The following GOLGA8M variants were observed in gnomAD, a reference collection of about 807,000 sequenced individuals.
GOLGA8M encodes the protein golgin A8 family member M.
Under a neutral mutation model 87.7 loss-of-function variants are expected in GOLGA8M, and 34 were observed. The ratio of observed to expected loss-of-function variants is 0.39; its 90% confidence interval spans 0.29 to 0.52. The LOEUF (loss-of-function observed/expected upper bound fraction) is 0.52. Ranked by LOEUF, GOLGA8M falls within the 20% of genes least tolerant of loss-of-function variation. GOLGA8M has a pLI of 0.80. For synonymous variants in GOLGA8M, 138 were observed against 250.2 expected (o/e 0.55, Z 4.23); for missense variants, 396 against 682.2 (o/e 0.58, Z 4.67).
At chr15:28,708,780 G>C (rs929907085) in intron 4 of GOLGA8M, among the ~76,000 whole-genome samples, 1 of 152,020 alleles carries the variant, frequency 6.6e-6, no homozygotes, top group Admixed American at 6.6e-5. Flanking sequence ...CTTTACAGCA[G>C]ATATAGGATG....
intron 1 of GOLGA8M, chr15:28,711,656 G>A: frequency 2.0e-6 from 2 of 984,496 alleles, no homozygotes; most frequent in Non-Finnish European, 2.4e-6. Context: ...TTAGGGGACT[G>A]GGTCATAAGA....
chr15:28,712,464 T>C (rs762520993), upstream of GOLGA8M: 152 of 1,606,568 alleles, frequency 9.5e-5, 5 homozygotes, highest in Middle Eastern at 6.6e-4. Context: ...GAATGCGGAA[T>C]AGGGGTGTGG....
At chr15:28,706,740 G>A in intron 8 of GOLGA8M, 41 bp from the exon 9 acceptor site, 1 of 1,450,058 alleles carries the variant, frequency 6.9e-7, no homozygotes, top group Non-Finnish European at 9.4e-7. Context: ...TGGAGAGCCT[G>A]GGCATTTCCA....
At chr15:28,702,831 C>A in intron 15 of GOLGA8M, 86 bp from the exon 16 acceptor site, 2 of 1,569,562 alleles carry the variant, frequency 1.3e-6, no homozygotes, top group African/African-American at 1.4e-5. Flanking sequence ...GGAGGTGAGT[C>A]CTGGCATGGG....
chr15:28,709,069 GGA>G (rs1375776280), intron 4 of GOLGA8M, among the ~76,000 whole-genome samples, 196 bp downstream of exon 4: 1 of 128,026 alleles, frequency 7.8e-6, no homozygotes, highest in Non-Finnish European at 1.6e-5. Context: ...TGTCTGGAGA[GGA>G]GAGAGTCGGC....
chr15:28,702,718 TCTC>T lies in GOLGA8M; in HGVS notation c.1393_1395del (p.Glu465del), dbSNP rs1285819293. 1.2e-6 allele frequency: 2 copies of T among 1,601,912 alleles called. No individual in the cohort carries two copies. The highest frequency in any genetic ancestry group is 1.3e-5 in the African/African-American group (1 of 74,194). On this transcript the variant is annotated inframe_deletion, in exon 16 of 19. Coordinates refer to ENST00000563027, the MANE Select transcript of GOLGA8M (RefSeq NM_001282468.3). ...TTCACAAGCTCACTCAGGTCTGCCT[TCTC>T]CTCCAGGTGGTCCATAAAGCTGCTC...
intron 5 of GOLGA8M, 69 bp downstream of exon 5, chr15:28,708,306 G>T: frequency 1.9e-6 from 3 of 1,611,448 alleles, no homozygotes; most frequent in Non-Finnish European, 2.5e-6. Flanking sequence ...GCCCTGTGGG[G>T]ATGGGGTGGA....
chr15:28,705,037 G>A (rs1450311523), intron 13 of GOLGA8M, 122 bp downstream of exon 13: 8 of 1,490,142 alleles, frequency 5.4e-6, no homozygotes, highest in African/African-American at 1.4e-5. Context: ...TGCCCTGGGG[G>A]GTGCTGTGGT....
intron 1 of GOLGA8M, 70 bp downstream of exon 1, chr15:28,712,206 C>G: frequency 1.3e-6 from 2 of 1,520,882 alleles, no homozygotes; most frequent in Non-Finnish European, 8.8e-7. Context: ...CGTATAGACT[C>G]TGGCAGGGGT....
At chr15:28,713,193 C>T (rs867077164), upstream of GOLGA8M, among the ~76,000 whole-genome samples, 13 of 150,440 alleles carry the variant, frequency 8.6e-5, no homozygotes, top group Admixed American at 5.3e-4. Flanking sequence ...CAAAAAAGGC[C>T]GGATGTGGTG....
At position 28,702,221 on chromosome 15, in the gene GOLGA8M, C is replaced by G. The variant is rs745500104; in HGVS notation, c.1716G>C (p.Lys572Asn). The change falls in exon 18 of 19, where the codon AAG becomes AAC. Residue 572 changes from lysine to asparagine, a missense_variant. By Grantham distance (94) the Lys-to-Asn change is moderately conservative. Transcript: ENST00000563027. ...PAPQELGAAD[K>N]HGDLCEVSLT... ...CCTGAGGGCTGTACTCACCACCATG[C>G]TTGTCTGCAGCCCCAAGCTCCTGGG... 3 of 1,590,820 alleles carry G rather than the reference C, an allele frequency of 1.9e-6. No homozygotes were observed. Among genetic ancestry groups the G allele is most frequent in the Non-Finnish European group, 2.6e-6 (3 of 1,175,312 alleles).
At chr15:28,707,380 A>ACACACACACACACACG in intron 8 of GOLGA8M, among the ~76,000 whole-genome samples, 1 of 143,546 alleles carries the variant, frequency 7.0e-6, no homozygotes. Context: ...ACACACACAC[A>ACACACACACACACACG]CACACATGCA....
Position 28,707,853 on chromosome 15 carries a change from C to A in GOLGA8M, c.486G>T (p.Lys162Asn), listed in dbSNP as rs2080083098. The A allele has an allele frequency of 6.4e-7, 1 of 1,567,582 alleles. No homozygotes were observed. Among genetic ancestry groups the A allele is most frequent in the Non-Finnish European group, 8.5e-7 (1 of 1,176,354 alleles). ...GCAGGCGGACAGCCAGATCCTTGGACTTTTCTGTAGTGAGAGAGTTGAGAT... is the reference window on the plus strand; with the variant it reads ...GCAGGCGGACAGCCAGATCCTTGGAATTTTCTGTAGTGAGAGAGTTGAGAT... ...MKRSLRYFEEKSKDLAVRLQH... is the reference protein window; with the variant it reads ...MKRSLRYFEENSKDLAVRLQH... The change falls in exon 8 of 19, where the codon AAG becomes AAT. Residue 162 changes from lysine to asparagine, a missense_variant. Lys to Asn is a moderately conservative substitution (Grantham distance 94). Transcript: ENST00000563027.
In GOLGA8M at chr15:28,707,908, G is replaced by C. The variant is rs757665059; in HGVS notation, c.481+45C>G. On this transcript the variant is annotated intron_variant, in intron 7 of 18. Coordinates refer to ENST00000563027, the MANE Select transcript of GOLGA8M (RefSeq NM_001282468.3). ...CCCAAAGGACTCCCCCTGAAGACCTGTCAAAGTGCCAGGTTGAAGGATGAC... is the reference window on the plus strand; with the variant it reads ...CCCAAAGGACTCCCCCTGAAGACCTCTCAAAGTGCCAGGTTGAAGGATGAC... 1.9e-6 allele frequency: 3 copies of C among 1,578,516 alleles called. No individual in the cohort carries two copies. In the East Asian group the frequency reaches 8.6e-5, roughly 45 times the overall value.
At chr15:28,707,177 A>G (rs1344426423) in intron 8 of GOLGA8M, among the ~76,000 whole-genome samples, 1 of 136,112 alleles carries the variant, frequency 7.3e-6, no homozygotes, top group African/African-American at 3.1e-5. Flanking sequence ...CTTGCTGGGG[A>G]TGGGGGCACA....
At chr15:28,702,918 AGGGCCTCTGGCTGCCTCTGGCTCCTTCT>A in intron 15 of GOLGA8M, 173 bp from the exon 16 acceptor site, 1 of 969,830 alleles carries the variant, frequency 1.0e-6, no homozygotes, top group Non-Finnish European at 1.2e-6. Flanking sequence ...CTGGGGCTGC[AGGGCCTCTGGCTGCCTCTGGCTCCTTCT>A]GGGCCGAGGC....
At chr15:28,712,688 A>T (rs1251838821), upstream of GOLGA8M, among the ~76,000 whole-genome samples, 1 of 152,092 alleles carries the variant, frequency 6.6e-6, no homozygotes, top group Non-Finnish European at 1.5e-5. Flanking sequence ...TTTAAAAAAT[A>T]TATGTGTGTA....
chr15:28,701,114 C>T lies in GOLGA8M; in HGVS notation c.*840G>A, dbSNP rs891117220. Among the ~76,000 whole-genome samples the T allele has an allele frequency of 6.6e-6, 1 of 152,000 alleles. No individual in the cohort carries two copies. Among genetic ancestry groups the T allele is most frequent in the African/African-American group, 2.4e-5 (1 of 41,332 alleles). Reference sequence around the variant, plus strand: ...CCACATCCACAGTCAACGATGGGAACCTTTCATTCCTCAGAAATAAGCCCT... The same window carrying T: ...CCACATCCACAGTCAACGATGGGAATCTTTCATTCCTCAGAAATAAGCCCT... On this transcript the variant is annotated 3_prime_UTR_variant, in exon 19 of 19. Transcript: ENST00000563027.
In GOLGA8M at chr15:28,701,996, C is replaced by A; in HGVS notation, c.1857G>T (p.Val619=). The A allele has an allele frequency of 6.9e-6, 11 of 1,599,662 alleles. 1 individual carries two copies. Among genetic ancestry groups the A allele is most frequent in the African/African-American group, 1.3e-5 (1 of 74,536 alleles). Residue 619 remains valine, a synonymous_variant, in exon 19 of 19, where the codon GTG becomes GTT. Coordinates refer to ENST00000563027, the MANE Select transcript of GOLGA8M (RefSeq NM_001282468.3). The part of the protein sequence containing the change: ...EHPGLGSNCC[V]PFFCWAWLPR... ...GCAGCCAAGCCCAGCAAAAGAATGGCACACAGCAGTTGCTGCCCAAGCCTG... is the reference window on the plus strand; with the variant it reads ...GCAGCCAAGCCCAGCAAAAGAATGGAACACAGCAGTTGCTGCCCAAGCCTG...
Sources: gnomAD v4.1 joint callset for allele counts (sites outside exome capture counted in the v4.1 genomes callset) on GRCh38, gnomAD v4.1.1 for gene constraint, MANE v1.5 for transcripts, NCBI Gene and HGNC (gene_info 2026-07-23, HGNC 2026-07-21) for gene names.